The following HIBADH variants were observed in gnomAD, a reference collection of about 807,000 sequenced individuals.
HIBADH encodes 3-hydroxyisobutyrate dehydrogenase, mitochondrial.
HIBADH carries 25 observed loss-of-function variants against 36.1 expected under a neutral mutation model. That is an observed-to-expected ratio of 0.69 (90% CI 0.50 to 0.97). The LOEUF (loss-of-function observed/expected upper bound fraction) is 0.97, where lower values mean the gene tolerates loss of function less well. Among genes scored for constraint, HIBADH ranks in the 50% least tolerant of loss-of-function variants. The pLI is 0.00. For missense variants in HIBADH, 421 were observed against 418.0 expected (o/e 1.01, Z -0.06); for synonymous variants, 160 against 149.5 (o/e 1.07, Z -0.51).
chr7:27,545,329 C>T (rs868359907), intron 4 of HIBADH, among the ~76,000 whole-genome samples: 2 of 152,150 alleles, frequency 1.3e-5, no homozygotes, highest in South Asian at 2.1e-4. Context: ...GTCCCAGCTA[C>T]TCAGGAGGCT....
chr7:27,533,569 A>G (rs1466797348), intron 6 of HIBADH, among the ~76,000 whole-genome samples: 1 of 152,146 alleles, frequency 6.6e-6, no homozygotes, highest in Admixed American at 6.6e-5. Flanking sequence ...TGGCACATAC[A>G]TAACTGACAG....
At chr7:27,622,478 G>A (rs976010012) in intron 4 of HIBADH, among the ~76,000 whole-genome samples, 1 of 151,804 alleles carries the variant, frequency 6.6e-6, no homozygotes, top group African/African-American at 2.4e-5. Flanking sequence ...AAATACAAAG[G>A]ATCAACAAAA....
intron 4 of HIBADH, among the ~76,000 whole-genome samples, chr7:27,585,233 GCA>G (rs1355428775): frequency 6.8e-6 from 1 of 148,076 alleles, no homozygotes; most frequent in East Asian, 2.1e-4. Flanking sequence ...ATTTGCATGT[GCA>G]CACACGTGTG....
intron 4 of HIBADH, among the ~76,000 whole-genome samples, chr7:27,623,474 C>T (rs1342522464): frequency 6.6e-6 from 1 of 151,928 alleles, no homozygotes; most frequent in African/African-American, 2.4e-5. Context: ...TCCCTTTTTG[C>T]TGATGATATG....
chr7:27,555,302 CTTTTTTTT>C lies in HIBADH; in HGVS notation c.485-12210_485-12203del, dbSNP rs3072856. Among the ~76,000 whole-genome samples the C allele has an allele frequency of 4.7e-5, 6 of 127,408 alleles. No individual in the cohort carries two copies. The East Asian group carries it at 7.0e-4, about 15-fold the overall frequency. 83.6% of individuals were successfully genotyped at this position (127,408 alleles called of 152,430 possible). A position where few individuals can be genotyped will look rare whatever the true frequency, so the allele number is the denominator to read the frequency against. The stretch of plus-strand genomic sequence containing the variant: ...AGCAAAAGGAACATTTCTTGCTCTA[CTTTTTTTT>C]TTTTTTTTTTTTTAAATAAAGACTA... On this transcript the variant is annotated intron_variant, in intron 4 of 7. Coordinates refer to ENST00000265395, the MANE Select transcript of HIBADH (RefSeq NM_152740.4).
chr7:27,640,358 C>G (rs1785938421), intron 2 of HIBADH, among the ~76,000 whole-genome samples: 1 of 152,120 alleles, frequency 6.6e-6, no homozygotes, highest in African/African-American at 2.4e-5. Context: ...AAGCAAAACC[C>G]TGTCTCTACA....
intron 1 of HIBADH, among the ~76,000 whole-genome samples, chr7:27,657,370 GA>G (rs1238459569): frequency 2.0e-5 from 3 of 152,168 alleles, no homozygotes; most frequent in African/African-American, 7.2e-5. Flanking sequence ...GTACTTGGAG[GA>G]AAAGGGAGGG....
intron 4 of HIBADH, among the ~76,000 whole-genome samples, chr7:27,601,923 G>T (rs1360555899): frequency 2.6e-5 from 4 of 151,876 alleles, no homozygotes; most frequent in African/African-American, 9.7e-5. Flanking sequence ...GTGGGAGTGG[G>T]GTCATTGAAT....
At chr7:27,614,082 A>G (rs115934692) in intron 4 of HIBADH, among the ~76,000 whole-genome samples, 2,945 of 152,266 alleles carry the variant, frequency 0.019, 100 homozygotes, top group African/African-American at 0.061. Context: ...GAATGCTGTT[A>G]GAGATTAAAC....
chr7:27,600,683 T>G (rs967635280), intron 4 of HIBADH, among the ~76,000 whole-genome samples: 4 of 152,116 alleles, frequency 2.6e-5, no homozygotes, highest in Non-Finnish European at 5.9e-5. Context: ...ATCTTTAGAA[T>G]AAGAACAAGT....
chr7:27,556,607 G>A (rs1390280407), intron 4 of HIBADH, among the ~76,000 whole-genome samples: 1 of 152,124 alleles, frequency 6.6e-6, no homozygotes, highest in Non-Finnish European at 1.5e-5. Context: ...TGTATGGGGT[G>A]AAGTAGGGAT....
At chr7:27,660,465 C>T (rs1222199763) in intron 1 of HIBADH, among the ~76,000 whole-genome samples, 4 of 152,196 alleles carry the variant, frequency 2.6e-5, no homozygotes, top group African/African-American at 9.7e-5. Context: ...TGATAGAGAC[C>T]ATCCTGGCTA....
intron 2 of HIBADH, among the ~76,000 whole-genome samples, chr7:27,646,668 G>GCA (rs922869348): frequency 6.8e-6 from 1 of 146,076 alleles, no homozygotes. Context: ...GGGACTACAG[G>GCA]CACACACAAC....
At chr7:27,591,929 C>A (rs913504196) in intron 4 of HIBADH, among the ~76,000 whole-genome samples, 1 of 152,180 alleles carries the variant, frequency 6.6e-6, no homozygotes, top group African/African-American at 2.4e-5. Context: ...TCTTGTCAAT[C>A]GAGCTAATCT....
At chr7:27,652,754 C>T (rs948645964) in intron 1 of HIBADH, among the ~76,000 whole-genome samples, 6 of 152,140 alleles carry the variant, frequency 3.9e-5, no homozygotes, top group Admixed American at 3.3e-4. Context: ...TACAACAGCA[C>T]TAATCCTATT....
At chr7:27,594,529 G>A (rs1443106926) in intron 4 of HIBADH, among the ~76,000 whole-genome samples, 1 of 152,168 alleles carries the variant, frequency 6.6e-6, no homozygotes, top group Non-Finnish European at 1.5e-5. Flanking sequence ...ATTTAGTTGT[G>A]TAAATATATC....
At position 27,629,350 on chromosome 7, in the gene HIBADH, TA is replaced by T; in HGVS notation, c.484+20del. 1 of 1,607,308 alleles carries T rather than the reference TA, an allele frequency of 6.2e-7. No individual in the cohort carries two copies. ...TTTGACAAACATAAATAGGTTTGCATATATTTTAGCTACCACTTACCACCAG... is the reference window on the plus strand; with the variant it reads ...TTTGACAAACATAAATAGGTTTGCATTATTTTAGCTACCACTTACCACCAG... On this transcript the variant is annotated intron_variant, in intron 4 of 7. Transcript: ENST00000265395.
chr7:27,560,844 G>A (rs1279340388), intron 4 of HIBADH, among the ~76,000 whole-genome samples: 2 of 152,120 alleles, frequency 1.3e-5, no homozygotes, highest in African/African-American at 4.8e-5. Flanking sequence ...TGGATCATAT[G>A]GTAATTACAT....
intron 4 of HIBADH, among the ~76,000 whole-genome samples, chr7:27,577,718 C>G (rs914879821): frequency 1.3e-5 from 2 of 152,134 alleles, no homozygotes; most frequent in Non-Finnish European, 2.9e-5. Flanking sequence ...TAATCATCCT[C>G]GTTCCCTAAA....
Sources: gnomAD v4.1 joint callset for allele counts (sites outside exome capture counted in the v4.1 genomes callset) on GRCh38, gnomAD v4.1.1 for gene constraint, MANE v1.5 for transcripts, NCBI Gene and HGNC (gene_info 2026-07-23, HGNC 2026-07-21) for gene names.